LIMCH1: variants seen among roughly 807,000 people sequenced by gnomAD.
LIMCH1 encodes the protein LIM and calponin homology domains 1.
In LIMCH1, 113 loss-of-function variants were observed where a neutral mutation model predicts 176.5. That is an observed-to-expected ratio of 0.64 (90% confidence interval 0.55 to 0.75). The LOEUF (loss-of-function observed/expected upper bound fraction) is 0.75, where lower values mean the gene tolerates loss of function less well. Ranked by LOEUF, LIMCH1 falls within the 30% of genes least tolerant of loss-of-function variation. The probability of loss-of-function intolerance (pLI) is 0.00; values close to 1 mark genes in which losing one functional copy is unlikely to be tolerated. For synonymous variants in LIMCH1, 619 were observed against 645.9 expected (o/e 0.96, Z 0.63); for missense variants, 1,674 against 1,814.9 (o/e 0.92, Z 1.41).
chr4:41,616,248 G>A (rs756848895), intron 5 of LIMCH1, among the ~76,000 whole-genome samples: 3 of 151,918 alleles, frequency 2.0e-5, no homozygotes, highest in Non-Finnish European at 4.4e-5. Flanking sequence ...GGGTGTGTAC[G>A]GCAAAGATAC....
chr4:41,699,416 T>G lies in LIMCH1; in HGVS notation c.*2231T>G, dbSNP rs1732237184. On this transcript the variant is annotated 3_prime_UTR_variant, in exon 32 of 32. Transcript: ENST00000503057. ...GCACAGAATAATCTCCAACATTTTC[T>G]AAATTCTAATTGCCAACTGTTTCTA... 6.6e-6 allele frequency: 1 copy of G among 152,232 alleles called. No individual in the cohort carries two copies. The highest frequency in any genetic ancestry group is 2.4e-5 in the African/African-American group (1 of 41,466). The allele number at this position is 152,232 out of a possible 1,614,324, so 9.4% of individuals were successfully genotyped here.
chr4:41,397,513 C>T (rs1242881706), intron 1 of LIMCH1, among the ~76,000 whole-genome samples: 1 of 151,910 alleles, frequency 6.6e-6, no homozygotes, highest in Non-Finnish European at 1.5e-5. Context: ...TCCAAACTTA[C>T]TGAAATGATT....
At chr4:41,442,738 TTAAC>T (rs1430843106) in intron 1 of LIMCH1, among the ~76,000 whole-genome samples, 3 of 152,204 alleles carry the variant, frequency 2.0e-5, no homozygotes, top group Non-Finnish European at 2.9e-5. Context: ...AGTATGGAAA[TTAAC>T]TATGGATTGA....
chr4:41,688,040 C>T, intron 29 of LIMCH1, 123 bp downstream of exon 29: 1 of 707,288 alleles, frequency 1.4e-6, no homozygotes, highest in Non-Finnish European at 2.5e-6. Flanking sequence ...CACATCTCTT[C>T]CTACACACAC....
At chr4:41,550,287 A>G (rs1465280597) in intron 1 of LIMCH1, among the ~76,000 whole-genome samples, 2 of 151,464 alleles carry the variant, frequency 1.3e-5, no homozygotes, top group Non-Finnish European at 3.0e-5. Flanking sequence ...GTATTAATTT[A>G]GCACATGTGG....
Position 41,697,286 on chromosome 4 carries a change from A to T in LIMCH1, c.*101A>T. ...CAAGCTCAGGGGCTTCTCAGCATTT[A>T]CCTAATTTCTGAAAGGCTCTTCTGA... On this transcript the variant is annotated 3_prime_UTR_variant, in exon 32 of 32. Transcript: ENST00000503057. 1 of 1,048,270 alleles carries T rather than the reference A, an allele frequency of 9.5e-7. No individual in the cohort carries two copies. The highest frequency in any genetic ancestry group is 2.2e-4 in the Middle Eastern group (1 of 4,570). 64.9% of individuals were successfully genotyped at this position (1,048,270 alleles called of 1,614,324 possible).
chr4:41,629,389 T>G, intron 8 of LIMCH1, 103 bp from the exon 9 acceptor site: 1 of 1,326,852 alleles, frequency 7.5e-7, no homozygotes. Context: ...CATTTTGTTC[T>G]GTCCTCAGCC....
chr4:41,463,682 G>T (rs1183704340), intron 1 of LIMCH1, among the ~76,000 whole-genome samples: 3 of 151,634 alleles, frequency 2.0e-5, no homozygotes, highest in African/African-American at 7.3e-5. Context: ...CTCAGGCGAT[G>T]CTTCCACCTC....
intron 2 of LIMCH1, among the ~76,000 whole-genome samples, chr4:41,603,585 A>G (rs953382198): frequency 3.9e-5 from 6 of 152,212 alleles, no homozygotes; most frequent in African/African-American, 1.4e-4. Flanking sequence ...GAACACAACT[A>G]TGAATAGTCC....
At chr4:41,648,923 G>T (rs1585310570) in intron 17 of LIMCH1, among the ~76,000 whole-genome samples, 1 of 151,492 alleles carries the variant, frequency 6.6e-6, no homozygotes, top group East Asian at 2.0e-4. Flanking sequence ...GTCACACAAT[G>T]AAGGCAAAAT....
At chr4:41,509,559 A>G (rs548000312) in intron 2 of LIMCH1, among the ~76,000 whole-genome samples, 27 of 152,346 alleles carry the variant, frequency 1.8e-4, no homozygotes, top group African/African-American at 6.0e-4. Flanking sequence ...ACCAAGACTC[A>G]TTAAGCCTTT....
At chr4:41,417,374 T>C (rs2060037688) in intron 1 of LIMCH1, among the ~76,000 whole-genome samples, 1 of 152,164 alleles carries the variant, frequency 6.6e-6, no homozygotes, top group Non-Finnish European at 1.5e-5. Context: ...AAGTAGAAAC[T>C]GTGTGACTGG....
chr4:41,429,526 A>T (rs1399485107), intron 1 of LIMCH1, among the ~76,000 whole-genome samples: 1 of 152,234 alleles, frequency 6.6e-6, no homozygotes, highest in African/African-American at 2.4e-5. Context: ...AACTTGGTTT[A>T]TATTAGCGTT....
intron 31 of LIMCH1, 33 bp from the exon 32 acceptor site, chr4:41,697,127 A>G (rs1355346583): frequency 1.9e-6 from 3 of 1,611,364 alleles, no homozygotes; most frequent in African/African-American, 2.7e-5. Context: ...GTTGCCTACC[A>G]CTCTTGTTTG....
At chr4:41,495,758 C>T (rs1402441524) in intron 2 of LIMCH1, among the ~76,000 whole-genome samples, 1 of 152,114 alleles carries the variant, frequency 6.6e-6, no homozygotes, top group Non-Finnish European at 1.5e-5. Context: ...GAGGCACTTT[C>T]AAAGATTATG....
Position 41,646,772 on chromosome 4 carries a change from CCAGCATGT to C in LIMCH1, c.2705_2712del (p.Met902ArgfsTer36). 4 of 1,614,162 alleles carry C rather than the reference CCAGCATGT, an allele frequency of 2.5e-6. No homozygotes were observed. The highest frequency in any genetic ancestry group is 3.4e-6 in the Non-Finnish European group (4 of 1,180,030). ...ATTGCTCGTGCCAGTGTTCTGGATA[CCAGCATGT>C]CAGCAGGCAGTGGGTCTCCAAGCAA... is the stretch of plus-strand genomic sequence containing the variant. On this transcript the variant is annotated frameshift_variant, in exon 17 of 32. Coordinates refer to ENST00000503057, the MANE Select transcript of LIMCH1 (RefSeq NM_001330672.2). LOFTEE classifies it high-confidence loss of function.
chr4:41,612,684 T>C, intron 4 of LIMCH1: 1 of 702,122 alleles, frequency 1.4e-6, no homozygotes, highest in South Asian at 1.5e-5. Context: ...AAAGAATTTA[T>C]AATCACAGGC....
intron 2 of LIMCH1, among the ~76,000 whole-genome samples, chr4:41,602,072 GGT>G (rs141117600): frequency 1.2e-3 from 175 of 140,912 alleles, no homozygotes; most frequent in African/African-American, 2.5e-3. Flanking sequence ...TTTCTTGTGT[GGT>G]GTGTGTGTGT....
intron 1 of LIMCH1, among the ~76,000 whole-genome samples, chr4:41,432,464 G>T (rs1386296145): frequency 6.6e-6 from 1 of 152,188 alleles, no homozygotes; most frequent in Non-Finnish European, 1.5e-5. Flanking sequence ...GTACTGAGAA[G>T]TAAGGGTAAA....
Sources: allele counts gnomAD v4.1 joint callset (sites outside exome capture counted in the v4.1 genomes callset), GRCh38; gene constraint gnomAD v4.1.1; transcripts MANE v1.5; gene names NCBI Gene and HGNC (gene_info 2026-07-23, HGNC 2026-07-21).